Variants in LRCH3 observed in about 807,000 individuals in gnomAD.
The protein encoded by LRCH3 is leucine rich repeats and calponin homology domain containing 3.
LRCH3 carries 68 observed loss-of-function variants against 104.5 expected under a neutral mutation model. The observed-to-expected ratio is 0.65, with a 90% CI of 0.54 to 0.80. The LOEUF is 0.80. Ranked by LOEUF, LRCH3 falls within the 30% of genes least tolerant of loss-of-function variation. LRCH3 has a pLI of 0.00. For synonymous variants in LRCH3, 344 were observed against 361.3 expected (o/e 0.95, Z 0.54); for missense variants, 951 against 953.9 (o/e 1.00, Z 0.04).
At chr3:197,792,604 T>TATATATATATATATATATATATATATAA (rs1553912025) in intron 1 of LRCH3, among the ~76,000 whole-genome samples, 26 of 58,546 alleles carry the variant, frequency 4.4e-4, no homozygotes, top group Non-Finnish European at 8.4e-4. Flanking sequence ...TATATATATA[T>TATATATATATATATATATATATATATAA]AAAATATACA....
At chr3:197,799,568 A>G (rs988257634) in intron 1 of LRCH3, among the ~76,000 whole-genome samples, 1 of 152,218 alleles carries the variant, frequency 6.6e-6, no homozygotes, top group Non-Finnish European at 1.5e-5. Flanking sequence ...AGATTTTCCC[A>G]TTAAAAACAG....
At chr3:197,861,673 A>C (rs1740900640) in intron 15 of LRCH3, among the ~76,000 whole-genome samples, 1 of 151,978 alleles carries the variant, frequency 6.6e-6, no homozygotes, top group Admixed American at 6.5e-5. Context: ...TATACTTATG[A>C]ATTTATTTCT....
At chr3:197,850,975 C>T in intron 12 of LRCH3, 1 of 781,906 alleles carries the variant, frequency 1.3e-6, no homozygotes, top group Non-Finnish European at 2.4e-6. Context: ...TTACCTCAGG[C>T]TGCTTAGGGA....
In LRCH3 at chr3:197,791,320, G is replaced by C; in HGVS notation, c.42G>C (p.Glu14Asp). 6.2e-7 allele frequency: 1 copy of C among 1,609,610 alleles called. No homozygotes were observed. The highest frequency in any genetic ancestry group is 8.5e-7 in the Non-Finnish European group (1 of 1,178,928). Residue 14 changes from glutamate to aspartate, a missense_variant, in exon 1 of 21, where the codon GAG becomes GAC. Coordinates refer to ENST00000425562, the MANE Select transcript of LRCH3 (RefSeq NM_001365715.1). ...AGLVAVAAAA[E>D]YSGTVASGGN... is the part of the protein sequence containing the mutation. ...TGGTCGCTGTGGCAGCGGCTGCCGA[G>C]TACTCTGGCACGGTAGCGTCGGGAG... is the stretch of plus-strand genomic sequence containing the variant.
intron 1 of LRCH3, among the ~76,000 whole-genome samples, chr3:197,806,965 G>A (rs1732559736): frequency 6.6e-6 from 1 of 151,358 alleles, no homozygotes; most frequent in African/African-American, 2.4e-5. Flanking sequence ...CTTGAGCCCA[G>A]GAGTTCCAGG....
chr3:197,836,656 G>C lies in LRCH3; in HGVS notation c.1251+834G>C, dbSNP rs144547398. On this transcript the variant is annotated intron_variant, in intron 9 of 20. Coordinates refer to ENST00000425562, the MANE Select transcript of LRCH3 (RefSeq NM_001365715.1). ...AAGAAATAGAGAATAATCATTTCAA[G>C]TGGGACATGTTGTAGAGTGATATTA... Among the ~76,000 whole-genome samples, 395 of 152,348 alleles carry C rather than the reference G, an allele frequency of 2.6e-3. 2 individuals carry two copies. The highest frequency in any genetic ancestry group is 9.1e-3 in the African/African-American group (380 of 41,586).
intron 19 of LRCH3, among the ~76,000 whole-genome samples, chr3:197,875,216 C>T (rs1712739784): frequency 6.6e-6 from 1 of 152,096 alleles, no homozygotes; most frequent in South Asian, 2.1e-4. Context: ...TGGCGTGAGC[C>T]ACCGCACCTG....
At chr3:197,833,625 A>G (rs1736273686) in intron 8 of LRCH3, among the ~76,000 whole-genome samples, 1 of 152,204 alleles carries the variant, frequency 6.6e-6, no homozygotes, top group African/African-American at 2.4e-5. Flanking sequence ...TCCTTTGAAA[A>G]AAAGCGTGTA....
chr3:197,879,514 C>G (rs551246241), intron 20 of LRCH3, among the ~76,000 whole-genome samples: 11 of 151,314 alleles, frequency 7.3e-5, no homozygotes, highest in Non-Finnish European at 7.4e-5. Flanking sequence ...GGCGTGGTGG[C>G]GGGCGCCTGT....
At chr3:197,844,721 G>A (rs537272748) in intron 10 of LRCH3, among the ~76,000 whole-genome samples, 7 of 152,128 alleles carry the variant, frequency 4.6e-5, no homozygotes, top group South Asian at 4.1e-4. Flanking sequence ...AGGTTCAAGC[G>A]ATTCCCCTGC....
intron 9 of LRCH3, among the ~76,000 whole-genome samples, chr3:197,838,954 G>A (rs1406751908): frequency 6.6e-6 from 1 of 152,146 alleles, no homozygotes; most frequent in African/African-American, 2.4e-5. Flanking sequence ...TGTTAGGGTA[G>A]GGTAGGTGGG....
At chr3:197,819,716 C>CA (rs1039983602) in intron 3 of LRCH3, among the ~76,000 whole-genome samples, 5 of 146,230 alleles carry the variant, frequency 3.4e-5, no homozygotes, top group Admixed American at 6.8e-5. Flanking sequence ...GACTCCATCT[C>CA]AAAAAAAAGA....
chr3:197,878,455 G>GA lies in LRCH3; in HGVS notation c.2208+2690dup, dbSNP rs1026683839. Reference sequence around the variant, plus strand: ...TGTGCTGTTGGAAGGCAAGTACGAAGAAAAAAAAAATACAGTTTTAAAAGA... The same window carrying GA: ...TGTGCTGTTGGAAGGCAAGTACGAAGAAAAAAAAAAATACAGTTTTAAAAGA... On this transcript the variant is annotated intron_variant, in intron 20 of 20. Transcript: ENST00000425562. Among the ~76,000 whole-genome samples, 105 of 149,846 alleles carry GA rather than the reference G, an allele frequency of 7.0e-4. 1 individual carries two copies. The highest frequency in any genetic ancestry group is 5.1e-3 in the South Asian group (24 of 4,728).
chr3:197,852,449 CAA>C (rs1461318631), intron 12 of LRCH3, 110 bp from the exon 13 acceptor site: 7 of 1,019,236 alleles, frequency 6.9e-6, no homozygotes, highest in African/African-American at 4.9e-5. Context: ...ATGCTATAAA[CAA>C]GAGGTAAAAA....
At chr3:197,801,160 CAT>C (rs1031015687) in intron 1 of LRCH3, among the ~76,000 whole-genome samples, 3 of 150,238 alleles carry the variant, frequency 2.0e-5, no homozygotes, top group African/African-American at 7.3e-5. Flanking sequence ...ACCTTAGAAA[CAT>C]AATGTCGAGA....
intron 17 of LRCH3, among the ~76,000 whole-genome samples, chr3:197,866,438 TAG>T (rs1269500674): frequency 1.3e-5 from 2 of 152,202 alleles, no homozygotes; most frequent in African/African-American, 4.8e-5. Flanking sequence ...AAGCAGGTTA[TAG>T]AGTGTTTGAA....
intron 15 of LRCH3, among the ~76,000 whole-genome samples, chr3:197,860,289 C>T (rs1740721211): frequency 6.6e-6 from 1 of 152,174 alleles, no homozygotes; most frequent in African/African-American, 2.4e-5. Flanking sequence ...CCACTGCGCC[C>T]AACCTCCTTC....
At chr3:197,871,673 G>T in intron 19 of LRCH3, 1 of 550,618 alleles carries the variant, frequency 1.8e-6, no homozygotes. Context: ...GGCATGTACA[G>T]TGTGTGTTAT....
chr3:197,854,516 T>C lies in LRCH3; in HGVS notation c.1644+71T>C, dbSNP rs1740016585. ...GATTGTACTTTTTATTCAGAAACTATCTAAATACCATAAAACATGATGAAC... is the reference window on the plus strand; with the variant it reads ...GATTGTACTTTTTATTCAGAAACTACCTAAATACCATAAAACATGATGAAC... On this transcript the variant is annotated intron_variant, in intron 14 of 20. Transcript: ENST00000425562. The surrounding 1 kb of genome is among the most constrained non-coding windows in gnomAD (Gnocchi z 4.5). 1.5e-6 allele frequency: 2 copies of C among 1,343,864 alleles called. No individual in the cohort carries two copies. Among genetic ancestry groups the C allele is most frequent in the Non-Finnish European group, 2.1e-6 (2 of 933,958 alleles). 83.2% of individuals were successfully genotyped at this position (1,343,864 alleles called of 1,614,324 possible).
Sources: gnomAD v4.1 joint callset for allele counts (sites outside exome capture counted in the v4.1 genomes callset) on GRCh38, gnomAD v4.1.1 for gene constraint, Gnocchi (gnomAD v3.1) non-coding constraint, MANE v1.5 for transcripts, NCBI Gene and HGNC (gene_info 2026-07-23, HGNC 2026-07-21) for gene names.